ELP1: variants seen among roughly 807,000 people sequenced by gnomAD.
ELP1 encodes the protein elongator complex protein 1.
In ELP1, 131 loss-of-function variants were observed where a neutral mutation model predicts 183.2. The ratio of observed to expected loss-of-function variants is 0.72; its 90% CI spans 0.62 to 0.83. ELP1 has a LOEUF of 0.83. Among genes scored for constraint, ELP1 ranks in the 40% least tolerant of loss-of-function variants. ELP1 has a pLI of 0.00. For synonymous variants in ELP1, 555 were observed against 569.0 expected (o/e 0.98, Z 0.35); for missense variants, 1,550 against 1,594.9 (o/e 0.97, Z 0.48).
rs1485371118 is a variant in ELP1, at chr9:108,922,890, T to C, written c.504A>G (p.Thr168=). The C allele has an allele frequency of 1.2e-6, 2 of 1,614,080 alleles. No homozygotes were observed. The highest frequency in any genetic ancestry group is 8.5e-7 in the Non-Finnish European group (1 of 1,179,930). The change falls in exon 6 of 37, where the codon ACA becomes ACG. Residue 168 remains threonine, a synonymous_variant. Transcript: ENST00000374647. ...FITVGWGRKE[T]QFHGSEGRQA... ...GTCTGCCTTCTGATCCATGGAACTGTGTCTCCTTCCTACCCCATCCAACAG... is the reference window on the plus strand; with the variant it reads ...GTCTGCCTTCTGATCCATGGAACTGCGTCTCCTTCCTACCCCATCCAACAG...
intron 20 of ELP1, among the ~76,000 whole-genome samples, chr9:108,899,308 A>C (rs1020093439): frequency 1.4e-5 from 2 of 142,192 alleles, no homozygotes; most frequent in African/African-American, 5.6e-5. Flanking sequence ...TCAAAAAAAA[A>C]ACAAAGAAAA....
chr9:108,908,321 A>G lies in ELP1; in HGVS notation c.1444T>C (p.Leu482=), dbSNP rs753849574. The G allele has an allele frequency of 1.7e-5, 27 of 1,613,312 alleles. No individual in the cohort carries two copies. Among genetic ancestry groups the G allele is most frequent in the Non-Finnish European group, 2.3e-5 (27 of 1,179,362 alleles). ...GFKVCLRTPH[L]EKRYKIQFEN... is the part of the protein sequence containing the mutation. ...AGAACCTACTTGTATCTCTTTTCCA[A>G]ATGAGGAGTTCTAAGGCAAACTTTA... is the stretch of plus-strand genomic sequence containing the variant. Residue 482 remains leucine, a synonymous_variant, in exon 13 of 37, where the codon TTG becomes CTG. Transcript: ENST00000374647.
intron 1 of ELP1, among the ~76,000 whole-genome samples, chr9:108,932,352 G>GT (rs2132055267): frequency 6.6e-6 from 1 of 151,596 alleles, no homozygotes; most frequent in African/African-American, 2.4e-5. Context: ...AGGTTTTTTT[G>GT]TTTTTTGAGA....
In ELP1 at chr9:108,874,746, C is replaced by T. The variant is rs1055659457; in HGVS notation, c.3931+149G>A. The T allele has an allele frequency of 6.3e-6, 4 of 637,878 alleles. No individual in the cohort carries two copies. In the Admixed American group the frequency reaches 6.8e-5, roughly 11 times the overall value. 39.5% of individuals were successfully genotyped at this position (637,878 alleles called of 1,614,324 possible). A position where few individuals can be genotyped will look rare whatever the true frequency, so the allele number is the denominator to read the frequency against. On this transcript the variant is annotated intron_variant, in intron 36 of 36. Coordinates refer to ENST00000374647, the MANE Select transcript of ELP1 (RefSeq NM_003640.5). ...CATGAAACTGATCATACTAAAGATGCGGTCTTAGAATTGAGGAAGAATTGT... is the reference window on the plus strand; with the variant it reads ...CATGAAACTGATCATACTAAAGATGTGGTCTTAGAATTGAGGAAGAATTGT...
At chr9:108,918,332 A>G (rs1486243295) in intron 8 of ELP1, among the ~76,000 whole-genome samples, 2 of 152,206 alleles carry the variant, frequency 1.3e-5, no homozygotes, top group Non-Finnish European at 2.9e-5. Context: ...GAATGGAAGG[A>G]AAGAGCAGGG....
intron 15 of ELP1, 103 bp downstream of exon 15, chr9:108,903,460 G>C (rs1828888437): frequency 2.4e-6 from 2 of 845,480 alleles, no homozygotes; most frequent in Admixed American, 3.7e-5. Flanking sequence ...GTAGTTAAAA[G>C]ACCTGACAAT....
At chr9:108,908,924 G>A (rs1247697313) in intron 12 of ELP1, among the ~76,000 whole-genome samples, 1 of 152,078 alleles carries the variant, frequency 6.6e-6, no homozygotes, top group Admixed American at 6.5e-5. Context: ...CCCCTCCTTT[G>A]CTCTGCTGCA....
intron 12 of ELP1, 125 bp downstream of exon 12, chr9:108,910,885 T>C (rs1039254754): frequency 8.0e-6 from 6 of 750,046 alleles, no homozygotes; most frequent in African/African-American, 5.3e-5. Context: ...GATAATGATA[T>C]CAACTGCAGA....
At position 108,906,332 on chromosome 9, in the gene ELP1, C is replaced by T. The variant is rs749608070; in HGVS notation, c.1614G>A (p.Met538Ile). ...CATTGAGCTGTCCATGCTCTTCATC[C>T]ATCTCAGAAGAAGCTGCAGTCAAAT... ...IHHLTAASSE[M>I]DEEHGQLNVS... is the part of the protein sequence containing the mutation. Residue 538 changes from methionine to isoleucine, a missense_variant, in exon 14 of 37, where the codon ATG becomes ATA. Physicochemically the swap from Met to Ile is conservative, Grantham distance 10. Coordinates refer to ENST00000374647, the MANE Select transcript of ELP1 (RefSeq NM_003640.5). 1 of 1,613,888 alleles carries T rather than the reference C, an allele frequency of 6.2e-7. No individual in the cohort carries two copies. Among genetic ancestry groups the T allele is most frequent in the African/African-American group, 1.3e-5 (1 of 74,904 alleles).
At chr9:108,909,792 G>A (rs1829146627) in intron 12 of ELP1, among the ~76,000 whole-genome samples, 1 of 152,084 alleles carries the variant, frequency 6.6e-6, no homozygotes, top group Non-Finnish European at 1.5e-5. Context: ...TTTCAAAAGT[G>A]GAGCTCTCAA....
intron 35 of ELP1, among the ~76,000 whole-genome samples, chr9:108,877,248 G>C (rs1827736795): frequency 6.6e-6 from 1 of 152,194 alleles, no homozygotes; most frequent in Non-Finnish European, 1.5e-5. Context: ...AGAGGGTAAA[G>C]CTGCTTCCTA....
At chr9:108,896,430 G>A in intron 25 of ELP1, 66 bp downstream of exon 25, 1 of 1,471,664 alleles carries the variant, frequency 6.8e-7, no homozygotes. Flanking sequence ...ACTACCAGAA[G>A]CAGGGTTTCA....
chr9:108,921,644 G>A (rs1348757040), intron 6 of ELP1, among the ~76,000 whole-genome samples: 3 of 151,358 alleles, frequency 2.0e-5, no homozygotes, highest in African/African-American at 7.3e-5. Context: ...GTCCAAAGCT[G>A]GGCAGTTGTA....
chr9:108,881,855 G>A, intron 30 of ELP1, 90 bp from the exon 31 acceptor site: 1 of 847,696 alleles, frequency 1.2e-6, no homozygotes, highest in Non-Finnish European at 2.0e-6. Flanking sequence ...TACTTTCAGA[G>A]GTAATCAGAA....
chr9:108,916,291 C>A lies in ELP1; in HGVS notation c.871G>T (p.Asp291Tyr). Residue 291 changes from aspartate to tyrosine, a missense_variant, in exon 10 of 37, where the codon GAC (aspartate) becomes TAC (tyrosine). Transcript: ENST00000374647. The part of the protein sequence containing the change: ...PFLKDEVKVN[D>Y]LLWNADSSVL... Reference sequence around the variant, plus strand: ...GAGGAATCTGCATTCCAGAGCAAGTCATTTACCTAGAAGGGAAAAAAGATC... The same window carrying A: ...GAGGAATCTGCATTCCAGAGCAAGTAATTTACCTAGAAGGGAAAAAAGATC... 6.2e-7 allele frequency: 1 copy of A among 1,613,266 alleles called. No homozygotes were observed. The highest frequency in any genetic ancestry group is 8.5e-7 in the Non-Finnish European group (1 of 1,179,210).
chr9:108,883,478 TAC>T (rs1441854976), intron 29 of ELP1, among the ~76,000 whole-genome samples: 1 of 151,922 alleles, frequency 6.6e-6, no homozygotes, highest in African/African-American at 2.4e-5. Flanking sequence ...TCAAGAGTTT[TAC>T]AGTTTTAGCT....
chr9:108,921,331 G>C (rs1442053988), intron 6 of ELP1, among the ~76,000 whole-genome samples: 1 of 152,020 alleles, frequency 6.6e-6, no homozygotes, highest in Non-Finnish European at 1.5e-5. Context: ...CCCCTTCTGG[G>C]CACTTCATAC....
intron 25 of ELP1, among the ~76,000 whole-genome samples, chr9:108,896,033 G>A (rs1223392484): frequency 3.9e-5 from 6 of 152,126 alleles, no homozygotes; most frequent in Admixed American, 2.0e-4. Flanking sequence ...TGAGGTAGGC[G>A]GATCACGAGG....
Position 108,878,499 on chromosome 9 carries a change from A to G in ELP1, c.3700+124T>C, listed in dbSNP as rs1827785998. 3 of 1,309,936 alleles carry G rather than the reference A, an allele frequency of 2.3e-6. No individual in the cohort carries two copies. The Admixed American group carries it at 5.0e-5, about 22-fold the overall frequency. 81.1% of individuals were successfully genotyped at this position (1,309,936 alleles called of 1,614,324 possible). On this transcript the variant is annotated intron_variant, in intron 34 of 36. Coordinates refer to ENST00000374647, the MANE Select transcript of ELP1 (RefSeq NM_003640.5). ...TGTGCAGACATGACCCTTCCTGCTA[A>G]AAGTTCTCATCTTTCCTCAAATTGG...
Sources: gnomAD v4.1 joint callset for allele counts (sites outside exome capture counted in the v4.1 genomes callset) on GRCh38, gnomAD v4.1.1 for gene constraint, MANE v1.5 for transcripts, NCBI Gene and HGNC (gene_info 2026-07-23, HGNC 2026-07-21) for gene names.